Variants in ABLIM1 observed in about 807,000 individuals in gnomAD.
The protein encoded by ABLIM1 is actin-binding LIM protein 1.
A neutral mutation model predicts 107.0 loss-of-function variants in ABLIM1; 40 were observed. That is an observed-to-expected ratio of 0.37 (90% CI 0.29 to 0.49). The LOEUF (loss-of-function observed/expected upper bound fraction) is 0.49. Among genes scored for constraint, ABLIM1 ranks in the 20% least tolerant of loss-of-function variants. ABLIM1 has a pLI of 0.97. For synonymous variants in ABLIM1, 357 were observed against 357.3 expected, an observed-to-expected ratio of 1.00 and a Z score of 0.01; for missense variants, 857 against 1,008.5, an observed-to-expected ratio of 0.85 and a Z score of 2.04.
upstream of ABLIM1, among the ~76,000 whole-genome samples, chr10:114,771,935 T>C (rs979239605): frequency 2.0e-5 from 3 of 152,224 alleles, no homozygotes; most frequent in African/African-American, 2.4e-5. Flanking sequence ...TTTTTCTTTA[T>C]TGATTTTTTA....
chr10:114,795,452 A>G, the ABLIM1 span, among the ~76,000 whole-genome samples: 4 of 152,316 alleles, frequency 2.6e-5, no homozygotes. Flanking sequence ...CACACCTGTA[A>G]TCTCCGCACT....
intron 1 of ABLIM1, among the ~76,000 whole-genome samples, chr10:114,706,838 T>C (rs1238741294): frequency 2.0e-5 from 3 of 152,098 alleles, no homozygotes; most frequent in African/African-American, 7.2e-5. Flanking sequence ...TTCATTATGT[T>C]TCAGTTTTCT....
At chr10:114,488,621 T>C (rs1054251949) in intron 7 of ABLIM1, among the ~76,000 whole-genome samples, 1 of 152,364 alleles carries the variant, frequency 6.6e-6, no homozygotes, top group Admixed American at 6.5e-5. Flanking sequence ...AAAAAGTCTT[T>C]GCTTTTAAAC....
intron 15 of ABLIM1, among the ~76,000 whole-genome samples, chr10:114,447,371 T>A (rs531623649): frequency 5.4e-4 from 82 of 152,348 alleles, no homozygotes; most frequent in African/African-American, 1.9e-3. Context: ...CCCTTTTGCA[T>A]GATGGACAAC....
At chr10:114,517,961 C>T (rs189154974) in intron 6 of ABLIM1, among the ~76,000 whole-genome samples, 128 of 152,100 alleles carry the variant, frequency 8.4e-4, no homozygotes, top group Non-Finnish European at 1.6e-4. Context: ...TAGTTATTTA[C>T]ACACATACTT....
chr10:114,772,487 G>C (rs1025677360), upstream of ABLIM1, among the ~76,000 whole-genome samples: 1 of 151,926 alleles, frequency 6.6e-6, no homozygotes, highest in African/African-American at 2.4e-5. Flanking sequence ...TGTGCCTGTA[G>C]TCCCAGCTAT....
chr10:114,662,526 T>C (rs1393719351), upstream of ABLIM1, among the ~76,000 whole-genome samples: 1 of 152,114 alleles, frequency 6.6e-6, no homozygotes, highest in Non-Finnish European at 1.5e-5. Context: ...GCCCAATGTT[T>C]AAAGGGTCTT....
At chr10:114,650,986 G>A (rs938830504) in intron 1 of ABLIM1, among the ~76,000 whole-genome samples, 1 of 152,080 alleles carries the variant, frequency 6.6e-6, no homozygotes, top group Admixed American at 6.6e-5. Flanking sequence ...ACTAAGGCTC[G>A]GACATATTAA....
upstream of ABLIM1, among the ~76,000 whole-genome samples, chr10:114,769,477 A>G (rs952584667): frequency 6.2e-5 from 8 of 128,136 alleles, no homozygotes; most frequent in East Asian, 4.3e-4. Flanking sequence ...GAAAGAAAGA[A>G]AGAGAAAGAA....
In ABLIM1 at chr10:114,658,002, C is replaced by A; in HGVS notation, c.199G>T (p.Asp67Tyr). The A allele has an allele frequency of 6.2e-7, 1 of 1,614,116 alleles. No individual in the cohort carries two copies. Among genetic ancestry groups the A allele is most frequent in the Non-Finnish European group, 8.5e-7 (1 of 1,180,012 alleles). Residue 67 changes from aspartate (D) to tyrosine (Y), a missense_variant, in exon 1 of 23, where the codon GAC (aspartate) becomes TAC (tyrosine). Asp to Tyr is a radical substitution (Grantham distance 160, BLOSUM62 -3). Around this residue, in one of 5 missense-constraint regions of ABLIM1, gnomAD observed 176 missense variants for 173.5 expected, o/e 1.01. Transcript: ENST00000533213. ...CATACACGCCCACGTGGGCAGTAGT[C>A]CTTGGGACAGAGATACAGCAAATGA... is the stretch of plus-strand genomic sequence containing the variant. ...ITHLLYLCPK[D>Y]YCPRGRVCNS... is the part of the protein sequence containing the mutation.
chr10:114,692,351 T>C (rs1033489554), intron 1 of ABLIM1, among the ~76,000 whole-genome samples: 5 of 152,238 alleles, frequency 3.3e-5, no homozygotes, highest in African/African-American at 1.2e-4. Context: ...TGTGTCTGCC[T>C]CCTTTCAACT....
intron 1 of ABLIM1, among the ~76,000 whole-genome samples, chr10:114,727,804 A>G (rs1419752369): frequency 6.6e-6 from 1 of 152,108 alleles, no homozygotes; most frequent in African/African-American, 2.4e-5. Context: ...AAAATACAAA[A>G]GTTAGCCAGG....
chr10:114,780,748 T>G, the ABLIM1 span, among the ~76,000 whole-genome samples: 1 of 152,222 alleles, frequency 6.6e-6, no homozygotes, highest in African/African-American at 2.4e-5. Context: ...GCTTTCTTAC[T>G]TCTCTTAGGT....
chr10:114,632,124 G>A, intron 1 of ABLIM1: 3 of 985,108 alleles, frequency 3.0e-6, no homozygotes, highest in Non-Finnish European at 3.6e-6. Context: ...TATCGCCCCC[G>A]CGCTCTTCTC....
upstream of ABLIM1, among the ~76,000 whole-genome samples, chr10:114,768,572 C>T (rs1235418852): frequency 6.6e-6 from 1 of 152,128 alleles, no homozygotes; most frequent in Non-Finnish European, 1.5e-5. Flanking sequence ...AGACCACGGT[C>T]GCCTGAGGGG....
chr10:114,718,016 AAGGAAGGAAG>A (rs1566269206), intron 1 of ABLIM1, among the ~76,000 whole-genome samples: 2 of 138,158 alleles, frequency 1.4e-5, no homozygotes, highest in Non-Finnish European at 3.1e-5. Context: ...GGAAGGAAGG[AAGGAAGGAAG>A]GAAGGAGAAA....
At chr10:114,461,109 G>T (rs1455295792) in intron 12 of ABLIM1, among the ~76,000 whole-genome samples, 1 of 151,316 alleles carries the variant, frequency 6.6e-6, no homozygotes, top group East Asian at 1.9e-4. Context: ...TGTCACCTAG[G>T]CTGGAGTGCA....
Position 114,545,090 on chromosome 10 carries a change from G to C in ABLIM1, c.809C>G (p.Ala270Gly). 6.2e-7 allele frequency: 1 copy of C among 1,614,140 alleles called. No individual in the cohort carries two copies. The highest frequency in any genetic ancestry group is 8.5e-7 in the Non-Finnish European group (1 of 1,180,006). ...CTGGTAGTCCTTTTCACAGTACGGA[G>C]CACCATCCCTGCAAGACAAAAACGT... is the stretch of plus-strand genomic sequence containing the variant. ...LTGEYISKDG[A>G]PYCEKDYQGL... Residue 270 changes from alanine (A) to glycine (G), a missense_variant, in exon 6 of 23, where the codon GCT becomes GGT. Around this residue, in one of 5 missense-constraint regions of ABLIM1, gnomAD observed 381 missense variants for 506.9 expected, o/e 0.75. Transcript: ENST00000533213.
At chr10:114,449,817 TAAC>T (rs1565281699) in intron 14 of ABLIM1, among the ~76,000 whole-genome samples, 8 of 152,216 alleles carry the variant, frequency 5.3e-5, no homozygotes. Context: ...GTTTTGGGCA[TAAC>T]AACTATTTCT....
Sources: gnomAD v4.1 joint callset for allele counts (sites outside exome capture counted in the v4.1 genomes callset) on GRCh38, gnomAD v4.1.1 for gene constraint, gnomAD v4.1.1 regional missense constraint, MANE v1.5 for transcripts, NCBI Gene and HGNC (gene_info 2026-07-23, HGNC 2026-07-21) for gene names.